GPR143: variants seen among roughly 807,000 people sequenced by gnomAD.
GPR143 encodes the protein G protein-coupled receptor 143.
In GPR143, 8 loss-of-function variants were observed where a neutral mutation model predicts 27.6. The ratio of observed to expected loss-of-function variants is 0.29; its 90% confidence interval spans 0.17 to 0.52. GPR143 has a LOEUF of 0.52. Among genes scored for constraint, GPR143 ranks in the 20% least tolerant of loss-of-function variants. The probability of loss-of-function intolerance (pLI) is 0.96; values close to 1 mark genes in which losing one functional copy is unlikely to be tolerated. For missense variants in GPR143, 303 were observed against 343.1 expected, an observed-to-expected ratio of 0.88 and a Z score of 0.92; for synonymous variants, 156 against 153.2, an observed-to-expected ratio of 1.02 and a Z score of -0.13.
chrX:9,744,516 C>A (rs1435192354), intron 5 of GPR143, among the ~76,000 whole-genome samples: 1 of 110,888 alleles, frequency 9.0e-6, no homozygotes, highest in Non-Finnish European at 1.9e-5. Flanking sequence ...GCCAGCCTGG[C>A]CAACATGGTG....
intron 6 of GPR143, among the ~76,000 whole-genome samples, chrX:9,742,490 T>C (rs1433172615): frequency 9.0e-6 from 1 of 111,628 alleles, no homozygotes; most frequent in Non-Finnish European, 1.9e-5. Context: ...CAAGGAATAC[T>C]CCTGCCTCCA....
In GPR143 at chrX:9,765,809, G is replaced by A. The variant is rs545561150; in HGVS notation, c.9C>T (p.Ser3=). 1.4e-4 allele frequency: 158 copies of A among 1,114,697 alleles called. 2 individuals carry two copies. The South Asian group carries it at 3.0e-3, about 21-fold the overall frequency. The allele number at this position is 1,114,697 out of a possible 1,213,427, so 91.9% of individuals were successfully genotyped here. MA[S]PRLGTFCCPT... is the part of the protein sequence containing the mutation. ...GGCAGCAGAAGGTCCCTAGGCGCGG[G>A]GAGGCCATGGGCTGTGTTCGCGGAC... is the stretch of plus-strand genomic sequence containing the variant. Residue 3 remains serine, a synonymous_variant, in exon 1 of 9, where the codon TCC becomes TCT. Transcript: ENST00000467482.
At chrX:9,738,634 T>A (rs1569117279) in intron 8 of GPR143, 2 of 401,396 alleles carry the variant, frequency 5.0e-6, no homozygotes, top group Non-Finnish European at 6.3e-6. Context: ...TGTTTTTGTT[T>A]TGTTTTTTAG....
chrX:9,761,023 C>G (rs2083497076), intron 1 of GPR143, among the ~76,000 whole-genome samples, 197 bp from the exon 2 acceptor site: 1 of 111,157 alleles, frequency 9.0e-6, no homozygotes, highest in Non-Finnish European at 1.9e-5. Flanking sequence ...AAAAAACATA[C>G]ATATTTGTGT....
At chrX:9,752,418 A>G (rs58571891) in intron 3 of GPR143, among the ~76,000 whole-genome samples, 3,061 of 111,584 alleles carry the variant, frequency 0.027, 114 homozygotes, top group African/African-American at 0.094. Flanking sequence ...TAGCCCAAAT[A>G]CATTTCCCTA....
intron 1 of GPR143, among the ~76,000 whole-genome samples, chrX:9,761,233 A>G (rs919681215): frequency 9.0e-6 from 1 of 111,231 alleles, no homozygotes; most frequent in Non-Finnish European, 1.9e-5. Flanking sequence ...GGCTGGGATT[A>G]CAGGCACCCA....
upstream of GPR143, among the ~76,000 whole-genome samples, chrX:9,767,014 A>T (rs768233088): frequency 9.0e-6 from 1 of 111,061 alleles, no homozygotes; most frequent in African/African-American, 3.3e-5. Context: ...AAGTACACAC[A>T]GACACATTTT....
upstream of GPR143, among the ~76,000 whole-genome samples, chrX:9,770,869 T>G (rs1022424980): frequency 3.0e-4 from 34 of 112,420 alleles, no homozygotes; most frequent in Non-Finnish European, 4.5e-4. Context: ...GTCCACCAGA[T>G]GACCAACAGC....
upstream of GPR143, among the ~76,000 whole-genome samples, chrX:9,766,899 TCTCTCACACACACACA>T (rs2083536145): frequency 1.5e-5 from 1 of 67,144 alleles, no homozygotes; most frequent in East Asian, 4.4e-4. Context: ...CCTATCTCTC[TCTCTCACACACACACA>T]CACACACACA....
At chrX:9,757,904 G>A (rs1158896483) in intron 3 of GPR143, among the ~76,000 whole-genome samples, 1 of 110,507 alleles carries the variant, frequency 9.0e-6, no homozygotes, top group Non-Finnish European at 1.9e-5. Context: ...TGGGACCACC[G>A]TTGCACCCCA....
upstream of GPR143, among the ~76,000 whole-genome samples, chrX:9,769,974 G>C (rs780158424): frequency 9.1e-6 from 1 of 109,862 alleles, no homozygotes; most frequent in South Asian, 3.9e-4. Context: ...TTAATATTCA[G>C]AATGAGCCTT....
chrX:9,749,082 G>C (rs1202388288), intron 3 of GPR143, among the ~76,000 whole-genome samples: 1 of 112,137 alleles, frequency 8.9e-6, no homozygotes, highest in Non-Finnish European at 1.9e-5. Flanking sequence ...ATCACTGTTG[G>C]ATGGAAATCA....
intron 1 of GPR143, 40 bp downstream of exon 1, chrX:9,765,528 G>A: frequency 9.3e-7 from 1 of 1,070,734 alleles, no homozygotes. Flanking sequence ...TCACCCAGGC[G>A]CTGATCAGAT....
In GPR143 at chrX:9,761,074, C is replaced by CT. The variant is rs200603977; in HGVS notation, c.251-249dup. Among the ~76,000 whole-genome samples, 581 of 110,909 alleles carry CT rather than the reference C, an allele frequency of 5.2e-3. 4 individuals are homozygous for CT. The highest frequency in any genetic ancestry group is 0.018 in the African/African-American group (545 of 30,644). ...AAGAAGATTGAAACTCATAAAATAA[C>CT]TTTTTTTTATTTTTATTTTTTATTT... On this transcript the variant is annotated intron_variant, in intron 1 of 8. Coordinates refer to ENST00000467482, the MANE Select transcript of GPR143 (RefSeq NM_000273.3).
At chrX:9,733,496 G>A (rs934045192) in intron 8 of GPR143, among the ~76,000 whole-genome samples, 2 of 111,134 alleles carry the variant, frequency 1.8e-5, no homozygotes, top group Admixed American at 9.5e-5. Flanking sequence ...AGGCTTGTGC[G>A]AGATTCCAGG....
At chrX:9,747,063 G>A (rs1179124543) in intron 4 of GPR143, among the ~76,000 whole-genome samples, 2 of 100,336 alleles carry the variant, frequency 2.0e-5, no homozygotes, top group East Asian at 3.1e-4. Context: ...TGCAATACCC[G>A]TCTCCTCTTG....
intron 1 of GPR143, among the ~76,000 whole-genome samples, chrX:9,775,639 G>T (rs923035314): frequency 9.0e-6 from 1 of 111,727 alleles, no homozygotes; most frequent in East Asian, 2.8e-4. Flanking sequence ...TGCCACAAGA[G>T]GGGGACTGGG....
chrX:9,761,286 G>A (rs1041393880), intron 1 of GPR143, among the ~76,000 whole-genome samples: 1 of 111,631 alleles, frequency 9.0e-6, no homozygotes, highest in Non-Finnish European at 1.9e-5. Context: ...TAGAGACGGG[G>A]TATCACCATG....
rs745694072 is a variant in GPR143 at position 9,729,295 on chromosome X, T to G, written c.1121-3455A>C. Among the ~76,000 whole-genome samples, 8 of 111,066 alleles carry G rather than the reference T, an allele frequency of 7.2e-5. No individual in the cohort carries two copies. The South Asian group carries it at 3.1e-3, about 43-fold the overall frequency. On this transcript the variant is annotated intron_variant, in intron 8 of 8. Coordinates refer to ENST00000467482, the MANE Select transcript of GPR143 (RefSeq NM_000273.3). ...GACATCTGGATTCATGGGAACTCCTTTGTGATTTCTGTGGTTCTTTTCAAA... is the reference window on the plus strand; with the variant it reads ...GACATCTGGATTCATGGGAACTCCTGTGTGATTTCTGTGGTTCTTTTCAAA...
Sources: gnomAD v4.1 joint callset for allele counts (sites outside exome capture counted in the v4.1 genomes callset) on GRCh38, gnomAD v4.1.1 for gene constraint, MANE v1.5 for transcripts, NCBI Gene and HGNC (gene_info 2026-07-23, HGNC 2026-07-21) for gene names.